ARHGEF18: variants seen among roughly 807,000 people sequenced by gnomAD.
The protein encoded by ARHGEF18 is rho guanine nucleotide exchange factor 18.
A neutral mutation model predicts 155.7 loss-of-function variants in ARHGEF18; 93 were observed. That is an observed-to-expected ratio of 0.60 (90% CI 0.50 to 0.71). The LOEUF is 0.71. ARHGEF18 is among the 30% of genes least tolerant of loss of function. The probability of loss-of-function intolerance (pLI) is 0.00; values close to 1 mark genes in which losing one functional copy is unlikely to be tolerated. For synonymous variants in ARHGEF18, 742 were observed against 753.1 expected, an observed-to-expected ratio of 0.99 and a Z score of 0.24; for missense variants, 1,593 against 1,816.1, an observed-to-expected ratio of 0.88 and a Z score of 2.23.
intron 10 of ARHGEF18, among the ~76,000 whole-genome samples, chr19:7,387,355 T>A (rs1338348290): frequency 2.6e-5 from 4 of 151,996 alleles, no homozygotes; most frequent in Non-Finnish European, 5.9e-5. Flanking sequence ...GGTTTCACCG[T>A]GTTAACCAGG....
chr19:7,453,679 A>T lies in ARHGEF18; in HGVS notation c.2068A>T (p.Met690Leu), dbSNP rs1192331053. ...MLQRQLHLEG[M>L]LCWKTTSGRL... ...TCAGCGGCAGCTCCACCTGGAGGGC[A>T]TGCTATGCTGGAAGACCACATCAGG... The change falls in exon 17 of 29, where the codon ATG becomes TTG. Residue 690 changes from methionine to leucine, a missense_variant. Coordinates refer to ENST00000668164, the MANE Select transcript of ARHGEF18 (RefSeq NM_001367823.1). 6.3e-7 allele frequency: 1 copy of T among 1,597,112 alleles called. No homozygotes were observed. Among genetic ancestry groups the T allele is most frequent in the East Asian group, 2.2e-5 (1 of 44,600 alleles).
rs756587676 is a variant in ARHGEF18, at chr19:7,456,290, G to A, written c.2105-37G>A. On this transcript the variant is annotated intron_variant, in intron 17 of 28. Transcript: ENST00000668164. ...GGCCAGCAAGACCTCCTGGCTATGG[G>A]ACTTTTAAGATGCATCCTTCCATGC... 30 of 1,605,840 alleles carry A rather than the reference G, an allele frequency of 1.9e-5. No individual in the cohort carries two copies. In the South Asian group the frequency reaches 3.3e-4, roughly 18 times the overall value.
At chr19:7,396,984 C>A (rs760608751) in intron 10 of ARHGEF18, among the ~76,000 whole-genome samples, 3 of 150,426 alleles carry the variant, frequency 2.0e-5, no homozygotes, top group Non-Finnish European at 4.4e-5. Context: ...GGTTAACATT[C>A]CAAATTATAA....
At chr19:7,437,888 C>G (rs868697437) in intron 10 of ARHGEF18, among the ~76,000 whole-genome samples, 11 of 152,024 alleles carry the variant, frequency 7.2e-5, no homozygotes, top group Middle Eastern at 3.4e-3. Flanking sequence ...GGTGATCCAC[C>G]CGCGTCGGCC....
At chr19:7,459,794 C>A in intron 19 of ARHGEF18, 109 bp from the exon 20 acceptor site, 1 of 894,680 alleles carries the variant, frequency 1.1e-6, no homozygotes, top group Non-Finnish European at 1.7e-6. Context: ...AGCTAAATCA[C>A]TCCCAAAGTC....
intron 10 of ARHGEF18, among the ~76,000 whole-genome samples, chr19:7,413,632 T>C (rs370907217): frequency 1.1e-4 from 16 of 152,268 alleles, no homozygotes; most frequent in African/African-American, 3.8e-4. Context: ...CATGGTGGTG[T>C]GCACTTGTAG....
intron 1 of ARHGEF18, among the ~76,000 whole-genome samples, chr19:7,362,322 G>A (rs187477970): frequency 0.013 from 1,903 of 144,482 alleles, 30 homozygotes; most frequent in Non-Finnish European, 0.019. Flanking sequence ...GAAGAAGGAA[G>A]AAGGTGGAGG....
At chr19:7,441,369 G>A (rs879394686) in intron 11 of ARHGEF18, among the ~76,000 whole-genome samples, 7 of 151,866 alleles carry the variant, frequency 4.6e-5, no homozygotes, top group Non-Finnish European at 7.4e-5. Flanking sequence ...TAGCAGAGAC[G>A]GGATTTTGCC....
intron 2 of ARHGEF18, among the ~76,000 whole-genome samples, chr19:7,370,007 G>A (rs1001868889): frequency 2.6e-5 from 4 of 151,704 alleles, no homozygotes; most frequent in African/African-American, 4.8e-5. Flanking sequence ...GACCAGCCTC[G>A]GCAACATGAT....
chr19:7,474,754 A>AGTGTGTATGTGTGT (rs1977182048), downstream of ARHGEF18, among the ~76,000 whole-genome samples: 2 of 141,970 alleles, frequency 1.4e-5, no homozygotes, highest in African/African-American at 5.5e-5. Context: ...TGGGCATTGG[A>AGTGTGTATGTGTGT]GTGTGTGTGT....
intron 23 of ARHGEF18, among the ~76,000 whole-genome samples, chr19:7,466,299 C>G (rs10424478): frequency 2.2e-4 from 33 of 147,250 alleles, no homozygotes; most frequent in African/African-American, 7.6e-4. Flanking sequence ...AGGAGAATCA[C>G]TTGAACCAGG....
intron 10 of ARHGEF18, among the ~76,000 whole-genome samples, chr19:7,438,489 A>G (rs8112159): frequency 0.4 from 60,536 of 149,608 alleles, 12,763 homozygotes; most frequent in East Asian, 0.59. Context: ...TCGGCTCACC[A>G]CAACCTCCAC....
Position 7,441,766 on chromosome 19 carries a change from G to A in ARHGEF18, c.1219+1G>A. 1 of 1,614,076 alleles carries A rather than the reference G, an allele frequency of 6.2e-7. No homozygotes were observed. The highest frequency in any genetic ancestry group is 8.5e-7 in the Non-Finnish European group (1 of 1,179,948). Reference sequence around the variant, plus strand: ...AACACCGAGTCCATTTTTGTAGAAGGTATGGTCATCTCCGCTCTCTCGCGG... The same window carrying A: ...AACACCGAGTCCATTTTTGTAGAAGATATGGTCATCTCCGCTCTCTCGCGG... On this transcript the variant is annotated splice_donor_variant, in intron 12 of 28. Transcript: ENST00000668164. LOFTEE classifies it high-confidence loss of function.
At chr19:7,356,968 G>A (rs1034344872) in intron 1 of ARHGEF18, among the ~76,000 whole-genome samples, 11 of 152,174 alleles carry the variant, frequency 7.2e-5, no homozygotes, top group Non-Finnish European at 1.2e-4. Context: ...AGTGCCAGGG[G>A]ACCCAAGGGC....
At chr19:7,375,293 A>AG (rs1568276815) in intron 3 of ARHGEF18, among the ~76,000 whole-genome samples, 3 of 86,844 alleles carry the variant, frequency 3.5e-5, no homozygotes, top group African/African-American at 1.1e-4. Context: ...AAGAAAGAAA[A>AG]GAAAGAAAGA....
At position 7,472,240 on chromosome 19, in the gene ARHGEF18, C is replaced by A. The variant is rs1349728479; in HGVS notation, c.*1942C>A. 5 of 152,372 alleles carry A rather than the reference C, an allele frequency of 3.3e-5. 1 individual carries two copies. The highest frequency in any genetic ancestry group is 3.3e-4 in the Admixed American group (5 of 15,292). The allele number at this position is 152,372 out of a possible 1,614,324, so 9.4% of individuals were successfully genotyped here. A position where few individuals can be genotyped will look rare whatever the true frequency, so the allele number is the denominator to read the frequency against. On this transcript the variant is annotated 3_prime_UTR_variant, in exon 29 of 29. Transcript: ENST00000668164. ...TCGGGCGGCAGCGCCGACAGCCCTTCCCTCGCCAGTGCCCCTCGGCCACTC... is the reference window on the plus strand; with the variant it reads ...TCGGGCGGCAGCGCCGACAGCCCTTACCTCGCCAGTGCCCCTCGGCCACTC...
At chr19:7,437,164 C>T (rs945800877) in intron 10 of ARHGEF18, among the ~76,000 whole-genome samples, 1 of 152,166 alleles carries the variant, frequency 6.6e-6, no homozygotes, top group East Asian at 1.9e-4. Flanking sequence ...TACGGTGGCT[C>T]AAGCCTGTAA....
At position 7,451,174 on chromosome 19, in the gene ARHGEF18, G is replaced by T; in HGVS notation, c.1763G>T (p.Arg588Leu). 6.4e-7 allele frequency: 1 copy of T among 1,570,214 alleles called. No individual in the cohort carries two copies. The highest frequency in any genetic ancestry group is 8.6e-7 in the Non-Finnish European group (1 of 1,163,050). ...IKKIGNFSIV[R>L]RLGVQECILL... ...AAAATTGGCAACTTCTCCATCGTGC[G>T]GCGGCTTGGCGTGCAGGAGTGCATT... Residue 588 changes from arginine (R) to leucine (L), a missense_variant, in exon 16 of 29, where the codon CGG becomes CTG. Arg to Leu is a moderately radical substitution (Grantham distance 102). Coordinates refer to ENST00000668164, the MANE Select transcript of ARHGEF18 (RefSeq NM_001367823.1).
intron 10 of ARHGEF18, among the ~76,000 whole-genome samples, chr19:7,393,464 C>T (rs933593040): frequency 2.0e-5 from 3 of 152,202 alleles, no homozygotes; most frequent in Non-Finnish European, 4.4e-5. Flanking sequence ...CCTCCTCAGA[C>T]TCCCAAAGTG....
Sources: allele counts gnomAD v4.1 joint callset (sites outside exome capture counted in the v4.1 genomes callset), GRCh38; gene constraint gnomAD v4.1.1; transcripts MANE v1.5; gene names NCBI Gene and HGNC (gene_info 2026-07-23, HGNC 2026-07-21).